LAMB4: variants seen among roughly 807,000 people sequenced by gnomAD.
LAMB4 encodes the protein laminin subunit beta-4.
LAMB4 carries 196 observed loss-of-function variants against 199.2 expected under a neutral mutation model. That is an observed-to-expected ratio of 0.98 (90% confidence interval 0.88 to 1.11). The LOEUF is 1.11. LAMB4 is among the 50% of genes least tolerant of loss of function. The probability of loss-of-function intolerance (pLI) is 0.00; values close to 1 mark genes in which losing one functional copy is unlikely to be tolerated. For missense variants in LAMB4, 2,080 were observed against 2,171.2 expected, an observed-to-expected ratio of 0.96 and a Z score of 0.83; for synonymous variants, 744 against 770.6, an observed-to-expected ratio of 0.97 and a Z score of 0.57.
At chr7:108,050,074 C>T (rs887393493) in intron 26 of LAMB4, among the ~76,000 whole-genome samples, 1 of 152,184 alleles carries the variant, frequency 6.6e-6, no homozygotes, top group South Asian at 2.1e-4. Context: ...CAACTACTCA[C>T]CTCTGCCATT....
Position 108,092,387 on chromosome 7 carries a change from G to C in LAMB4, c.1500C>G (p.Leu500=). 1 of 1,614,020 alleles carries C rather than the reference G, an allele frequency of 6.2e-7. No homozygotes were observed. Among genetic ancestry groups the C allele is most frequent in the South Asian group, 1.1e-5 (1 of 91,080 alleles). The change falls in exon 13 of 34, where the codon CTC becomes CTG. Residue 500 remains leucine, a synonymous_variant. Coordinates refer to ENST00000388781, the MANE Select transcript of LAMB4 (RefSeq NM_007356.3). ...TVGYWGLGNH[L]HGCSPCDCDI... is the part of the protein sequence containing the mutation. ...CACAGTCACAGGGAGAACACCCATG[G>C]AGATGATTTCCCAGGCCCCAGTATC...
intron 33 of LAMB4, among the ~76,000 whole-genome samples, chr7:108,024,714 G>GATCC (rs772231270): frequency 0.039 from 5,964 of 151,162 alleles, 386 homozygotes; most frequent in African/African-American, 0.13. Context: ...TCGATCCATT[G>GATCC]ATCCATCCAT....
Position 108,069,706 on chromosome 7 carries a change from A to AC in LAMB4, c.2302+1dup. 1 of 1,612,612 alleles carries AC rather than the reference A, an allele frequency of 6.2e-7. No homozygotes were observed. Among genetic ancestry groups the AC allele is most frequent in the Non-Finnish European group, 8.5e-7 (1 of 1,179,078 alleles). On this transcript the variant is annotated splice_donor_variant, in intron 18 of 33. Transcript: ENST00000388781. LOFTEE classifies it high-confidence loss of function. ...AGTAGAGCCCATTAAACAGATACTT[A>AC]CCCACAGCCCCATCATGCAGCTTGG...
chr7:108,106,102 T>C, intron 7 of LAMB4, 71 bp from the exon 8 acceptor site: 1 of 1,141,650 alleles, frequency 8.8e-7, no homozygotes, highest in Non-Finnish European at 1.3e-6. Context: ...TCTTGACTGA[T>C]ATACACTTAA....
Position 108,078,268 on chromosome 7 carries a change from T to A in LAMB4, c.1936A>T (p.Ser646Cys), listed in dbSNP as rs751707276. The change falls in exon 16 of 34, where the codon AGT becomes TGT. Residue 646 changes from serine (S) to cysteine (C), a missense_variant. Physicochemically the swap from Ser to Cys is moderately radical, Grantham distance 112 (BLOSUM62 -1). Transcript: ENST00000388781. ...AGAGTCTTGGGTATGCAGTGCTCACTCCCTCCAGGGGGGTTCACCACAATC... is the reference window on the plus strand; with the variant it reads ...AGAGTCTTGGGTATGCAGTGCTCACACCCTCCAGGGGGGTTCACCACAATC... The part of the protein sequence containing the change: ...VQIVVNPPGG[S>C]EHCIPKTLQS... 1 of 1,611,450 alleles carries A rather than the reference T, an allele frequency of 6.2e-7. No homozygotes were observed. The highest frequency in any genetic ancestry group is 1.1e-5 in the South Asian group (1 of 90,124).
intron 29 of LAMB4, among the ~76,000 whole-genome samples, chr7:108,041,287 C>T (rs1364817461): frequency 1.3e-5 from 2 of 152,136 alleles, no homozygotes; most frequent in Admixed American, 1.3e-4. Flanking sequence ...AACACTTATA[C>T]AGTGTTGGTG....
intron 2 of LAMB4, among the ~76,000 whole-genome samples, chr7:108,120,010 C>G (rs994785493): frequency 6.6e-6 from 1 of 152,080 alleles, no homozygotes. Context: ...CAAGCAAATC[C>G]CAGACTCTAA....
intron 30 of LAMB4, among the ~76,000 whole-genome samples, chr7:108,035,624 A>G (rs1177616734): frequency 8.3e-4 from 95 of 114,354 alleles, no homozygotes; most frequent in African/African-American, 2.9e-3. Context: ...AAAAAAAAAG[A>G]AAAAAAAACG....
intron 5 of LAMB4, 70 bp downstream of exon 5, chr7:108,109,101 G>C: frequency 8.4e-7 from 1 of 1,183,762 alleles, no homozygotes; most frequent in Non-Finnish European, 1.3e-6. Context: ...GCAAGGCAGT[G>C]AAATTCCAGA....
chr7:108,031,427 T>C (rs2035036131), intron 31 of LAMB4, among the ~76,000 whole-genome samples: 1 of 143,314 alleles, frequency 7.0e-6, no homozygotes, highest in East Asian at 2.1e-4. Context: ...TAGCCATGTA[T>C]CCACCAGCCA....
intron 10 of LAMB4, among the ~76,000 whole-genome samples, chr7:108,099,028 C>G (rs1444707843): frequency 6.6e-6 from 1 of 152,138 alleles, no homozygotes; most frequent in African/African-American, 2.4e-5. Flanking sequence ...AAAAAAGACT[C>G]TAAAGGTGAA....
rs1183465347 is a variant in LAMB4, at chr7:108,034,229, T to G, written c.4797A>C (p.Lys1599Asn). 1.9e-6 allele frequency: 3 copies of G among 1,613,998 alleles called. No homozygotes were observed. The African/African-American group carries it at 4.0e-5, about 22-fold the overall frequency. Residue 1599 changes from lysine to asparagine, a missense_variant, in exon 31 of 34, where the codon AAA (lysine) becomes AAC (asparagine). Transcript: ENST00000388781. ...ATACCTGCAGCACATTCTTTTTTAT[T>G]TTTGTTATATTGGCAGTCAGCTGTG... ...TITQLTANIT[K>N]IKKNVLQAEN... is the part of the protein sequence containing the mutation.
In LAMB4 at chr7:108,023,767, GTTATTT is replaced by G. The variant is rs2034742150; in HGVS notation, c.*266_*271del. 4.1e-6 allele frequency: 1 copy of G among 241,918 alleles called. No individual in the cohort carries two copies. The highest frequency in any genetic ancestry group is 7.8e-6 in the Non-Finnish European group (1 of 128,178). 15.0% of individuals were successfully genotyped at this position (241,918 alleles called of 1,614,324 possible). A position where few individuals can be genotyped will look rare whatever the true frequency, so the allele number is the denominator to read the frequency against. ...AATTTCTACTTGTTATATGGAAACT[GTTATTT>G]TTAAGTTAGGAAAGAGAAAGGAAGG... is the stretch of plus-strand genomic sequence containing the variant. On this transcript the variant is annotated 3_prime_UTR_variant, in exon 34 of 34. Transcript: ENST00000388781.
At chr7:108,069,601 G>C in intron 18 of LAMB4, 107 bp downstream of exon 18, 2 of 941,062 alleles carry the variant, frequency 2.1e-6, no homozygotes, top group South Asian at 3.1e-5. Flanking sequence ...TGAGTGATGG[G>C]TATTTTGGTT....
At chr7:108,056,363 G>T (rs1263850930) in intron 24 of LAMB4, among the ~76,000 whole-genome samples, 2 of 152,308 alleles carry the variant, frequency 1.3e-5, no homozygotes, top group South Asian at 4.1e-4. Context: ...GGTGGTTCAG[G>T]TGTGTCGAGA....
At position 108,037,531 on chromosome 7, in the gene LAMB4, T is replaced by C. The variant is rs146007302; in HGVS notation, c.4536A>G (p.Pro1512=). 8.1e-5 allele frequency: 131 copies of C among 1,614,168 alleles called. No homozygotes were observed. In the African/African-American group the frequency reaches 1.6e-3, roughly 20 times the overall value. ...VANGVLDIHL[P]IPSQNLTDEL... ...CATCGGTTAGATTTTGGGATGGAAT[T>C]GGTAGGTGAATGTCAAGCACACCAT... Residue 1512 remains proline, a synonymous_variant, in exon 30 of 34, where the codon CCA becomes CCG. Transcript: ENST00000388781.
chr7:108,128,624 C>T (rs868546064), intron 1 of LAMB4, among the ~76,000 whole-genome samples: 1 of 152,164 alleles, frequency 6.6e-6, no homozygotes, highest in African/African-American at 2.4e-5. Flanking sequence ...ATGAATCTGG[C>T]AACTTCTAGA....
rs972648624 is a variant in LAMB4 at position 108,040,489 on chromosome 7, G to A, written c.4472-2894C>T. ...CAAAATGAACACAGCTAGAGACATC[G>A]TGCTATCTGACTTCAAGCTGTAATA... On this transcript the variant is annotated intron_variant, in intron 29 of 33. Transcript: ENST00000388781. Among the ~76,000 whole-genome samples, 23 of 152,262 alleles carry A rather than the reference G, an allele frequency of 1.5e-4. No individual in the cohort carries two copies. In the South Asian group the frequency reaches 3.3e-3, roughly 22 times the overall value.
chr7:108,026,869 C>T, intron 33 of LAMB4: 1 of 517,018 alleles, frequency 1.9e-6, no homozygotes, highest in Admixed American at 2.0e-5. Context: ...GGGAAGACAG[C>T]CAAATCAATG....
Sources: allele counts gnomAD v4.1 joint callset (sites outside exome capture counted in the v4.1 genomes callset), GRCh38; gene constraint gnomAD v4.1.1; transcripts MANE v1.5; gene names NCBI Gene and HGNC (gene_info 2026-07-23, HGNC 2026-07-21).